The following KANSL1L variants were observed in gnomAD, a reference collection of about 807,000 sequenced individuals.
KANSL1L encodes the protein KAT8 regulatory NSL complex subunit 1-like protein.
In KANSL1L, 25 loss-of-function variants were observed where a neutral mutation model predicts 108.6. The observed-to-expected ratio is 0.23, with a 90% CI of 0.17 to 0.32. The LOEUF is 0.32. Among genes scored for constraint, KANSL1L ranks in the 10% least tolerant of loss-of-function variants. KANSL1L has a pLI of 1.00. For synonymous variants in KANSL1L, 405 were observed against 395.1 expected, an observed-to-expected ratio of 1.03 and a Z score of -0.30; for missense variants, 1,137 against 1,125.7, an observed-to-expected ratio of 1.01 and a Z score of -0.14.
rs188673458 is a variant in KANSL1L at position 210,092,145 on chromosome 2, C to A, written c.1550+5941G>T. Among the ~76,000 whole-genome samples, 129 of 152,144 alleles carry A rather than the reference C, an allele frequency of 8.5e-4. 2 individuals carry two copies. The South Asian group carries it at 0.018, about 22-fold the overall frequency. ...TTCCTATATGTCCAGAGGTAGATTTCTTTTTAGTTGTCCTGATCCAAAATC... is the reference window on the plus strand; with the variant it reads ...TTCCTATATGTCCAGAGGTAGATTTATTTTTAGTTGTCCTGATCCAAAATC... On this transcript the variant is annotated intron_variant, in intron 5 of 14. Coordinates refer to ENST00000281772, the MANE Select transcript of KANSL1L (RefSeq NM_152519.4).
At chr2:210,123,725 C>G (rs1466560594) in intron 3 of KANSL1L, among the ~76,000 whole-genome samples, 1 of 151,846 alleles carries the variant, frequency 6.6e-6, no homozygotes, top group African/African-American at 2.4e-5. Context: ...TGATGGATGT[C>G]CCATTTACCC....
intron 9 of KANSL1L, among the ~76,000 whole-genome samples, chr2:210,030,288 G>A (rs1007169206): frequency 6.6e-5 from 10 of 151,594 alleles, no homozygotes; most frequent in African/African-American, 2.4e-4. Flanking sequence ...CCTAATTTAT[G>A]TGAGGTATCT....
chr2:210,069,321 A>G lies in KANSL1L; in HGVS notation c.1755+6231T>C, dbSNP rs370439621. On this transcript the variant is annotated intron_variant, in intron 6 of 14. Transcript: ENST00000281772. ...TCTAGCAAATTCTGTTCATGATGATATACATATTCTCTAAGATAACAGCAG... is the reference window on the plus strand; with the variant it reads ...TCTAGCAAATTCTGTTCATGATGATGTACATATTCTCTAAGATAACAGCAG... 6.6e-5 allele frequency among the ~76,000 whole-genome samples: 10 copies of G among 152,284 alleles called. No homozygotes were observed. The East Asian group carries it at 1.9e-3, about 29-fold the overall frequency.
chr2:210,045,864 A>G (rs1266310647), intron 6 of KANSL1L, among the ~76,000 whole-genome samples: 1 of 152,074 alleles, frequency 6.6e-6, no homozygotes, highest in East Asian at 1.9e-4. Flanking sequence ...GCTGCTTTTA[A>G]TATTTTCTCT....
chr2:210,118,450 C>T (rs1456917411), intron 3 of KANSL1L, among the ~76,000 whole-genome samples: 5 of 66,692 alleles, frequency 7.5e-5, no homozygotes, highest in African/African-American at 2.6e-4. Flanking sequence ...GCCTGGGCAA[C>T]AAGAAACTCC....
intron 1 of KANSL1L, among the ~76,000 whole-genome samples, chr2:210,158,192 T>C (rs2095343984): frequency 6.6e-6 from 1 of 152,042 alleles, no homozygotes; most frequent in Non-Finnish European, 1.5e-5. Flanking sequence ...GTAGCAGAGG[T>C]GATAAGATGA....
At chr2:210,105,197 C>A (rs1359464049) in intron 3 of KANSL1L, among the ~76,000 whole-genome samples, 2 of 151,616 alleles carry the variant, frequency 1.3e-5, no homozygotes, top group Non-Finnish European at 2.9e-5. Context: ...TGTAAAATTT[C>A]TTTCCTTCCT....
At chr2:210,170,510 A>T (rs1030930070) in intron 1 of KANSL1L, 7 of 372,046 alleles carry the variant, frequency 1.9e-5, no homozygotes, top group Non-Finnish European at 2.6e-5. Context: ...AACACCACGC[A>T]ATCTGACTTT....
At chr2:210,091,181 A>G (rs2094690142) in intron 5 of KANSL1L, among the ~76,000 whole-genome samples, 1 of 152,202 alleles carries the variant, frequency 6.6e-6, no homozygotes, top group Non-Finnish European at 1.5e-5. Context: ...GTAACATGAA[A>G]TAAGATTTAA....
chr2:210,043,845 G>T, intron 7 of KANSL1L, 94 bp downstream of exon 7: 1 of 884,294 alleles, frequency 1.1e-6, no homozygotes, highest in Non-Finnish European at 1.6e-6. Context: ...AAAAAAAATT[G>T]ATAAAATAAG....
At chr2:210,122,473 T>C (rs886498741) in intron 3 of KANSL1L, among the ~76,000 whole-genome samples, 1 of 152,160 alleles carries the variant, frequency 6.6e-6, no homozygotes, top group Non-Finnish European at 1.5e-5. Context: ...TGTCTATCCA[T>C]ATGCAGAAGA....
rs758650114 is a variant in KANSL1L at position 210,153,931 on chromosome 2, C to T, written c.652G>A (p.Glu218Lys). 1.2e-6 allele frequency: 2 copies of T among 1,613,524 alleles called. No homozygotes were observed. The highest frequency in any genetic ancestry group is 1.7e-6 in the Non-Finnish European group (2 of 1,179,990). ...TGAAGTAAACGAGCATGTACTTCCT[C>T]CTCTTTTTCAGCAGCTGAAGAACTA... ...PVSSSAAEKEEEVHARLLHCV... is the reference protein window; with the variant it reads ...PVSSSAAEKEKEVHARLLHCV... Residue 218 changes from glutamate (E) to lysine (K), a missense_variant, in exon 2 of 15, where the codon GAG becomes AAG. Physicochemically the swap from Glu to Lys is moderately conservative, Grantham distance 56. Coordinates refer to ENST00000281772, the MANE Select transcript of KANSL1L (RefSeq NM_152519.4).
intron 9 of KANSL1L, chr2:210,030,993 T>TTA (rs200057155): frequency 0.012 from 1,859 of 153,280 alleles, 12 homozygotes; most frequent in Non-Finnish European, 0.019. Context: ...TTTTAAAGCT[T>TTA]TATATATATA....
At chr2:210,052,430 T>C (rs75865279) in intron 6 of KANSL1L, among the ~76,000 whole-genome samples, 1,924 of 152,340 alleles carry the variant, frequency 0.013, 51 homozygotes, top group African/African-American at 0.044. Flanking sequence ...AGGTCAGCTA[T>C]ATTCTCCTTC....
intron 2 of KANSL1L, among the ~76,000 whole-genome samples, chr2:210,146,861 T>G (rs2095269686): frequency 6.6e-6 from 1 of 152,232 alleles, no homozygotes; most frequent in African/African-American, 2.4e-5. Flanking sequence ...ATATCTTAAT[T>G]TTTCCTTTGA....
In KANSL1L at chr2:210,104,250, G is replaced by T; in HGVS notation, c.1282C>A (p.Gln428Lys). Residue 428 changes from glutamine to lysine, a missense_variant, in exon 4 of 15, where the codon CAA becomes AAA. Transcript: ENST00000281772. ...CQLPKDILKK[Q>K]MQFADQAASL... ...GCTGCTTGGTCTGCAAATTGCATTT[G>T]TTTTTTCAAAATATCTTTTGGAAGC... 5 of 1,613,750 alleles carry T rather than the reference G, an allele frequency of 3.1e-6. No homozygotes were observed. The highest frequency in any genetic ancestry group is 3.4e-6 in the Non-Finnish European group (4 of 1,179,820).
chr2:210,104,682 A>G (rs1191900917), intron 3 of KANSL1L, among the ~76,000 whole-genome samples: 2 of 152,180 alleles, frequency 1.3e-5, no homozygotes, highest in African/African-American at 4.8e-5. Flanking sequence ...CATCACTAGC[A>G]TTGCTATTTG....
At chr2:210,060,301 A>G (rs1233932822) in intron 6 of KANSL1L, among the ~76,000 whole-genome samples, 1 of 152,240 alleles carries the variant, frequency 6.6e-6, no homozygotes, top group Non-Finnish European at 1.5e-5. Context: ...TACAAACACT[A>G]CTTTTGCAAA....
At chr2:210,161,045 A>G (rs1317230650) in intron 1 of KANSL1L, among the ~76,000 whole-genome samples, 2 of 150,032 alleles carry the variant, frequency 1.3e-5, no homozygotes, top group African/African-American at 4.9e-5. Context: ...CTGGAGTGCA[A>G]TGGCGTGATC....
Sources: allele counts gnomAD v4.1 joint callset (sites outside exome capture counted in the v4.1 genomes callset), GRCh38; gene constraint gnomAD v4.1.1; transcripts MANE v1.5; gene names NCBI Gene and HGNC (gene_info 2026-07-23, HGNC 2026-07-21).